The following GALNT1 variants were observed in gnomAD, a reference collection of about 807,000 sequenced individuals.
GALNT1 encodes the protein GalNAc transferase 1.
GALNT1 carries 17 observed loss-of-function variants against 65.7 expected under a neutral mutation model. The ratio of observed to expected loss-of-function variants is 0.26; its 90% CI spans 0.18 to 0.39. The LOEUF (loss-of-function observed/expected upper bound fraction) is 0.39, where lower values mean the gene tolerates loss of function less well. Ranked by LOEUF, GALNT1 falls within the 10% of genes least tolerant of loss-of-function variation. The pLI is 1.00. For missense variants in GALNT1, 460 were observed against 672.8 expected (o/e 0.68, Z 3.50); for synonymous variants, 210 against 219.7 (o/e 0.96, Z 0.39).
Position 35,592,755 on chromosome 18 carries a change from G to A in GALNT1, c.-104+10893G>A, listed in dbSNP as rs141410237. On this transcript the variant is annotated intron_variant, in intron 1 of 11. Coordinates refer to ENST00000269195, the MANE Select transcript of GALNT1 (RefSeq NM_020474.4). Reference sequence around the variant, plus strand: ...AGGCCTGGACTAAATGGTGGTAGTGGATATGTCTGAGGCTGGGGATCAGGC... The same window carrying A: ...AGGCCTGGACTAAATGGTGGTAGTGAATATGTCTGAGGCTGGGGATCAGGC... Among the ~76,000 whole-genome samples, 469 of 152,260 alleles carry A rather than the reference G, an allele frequency of 3.1e-3. 5 individuals are homozygous for A. Among genetic ancestry groups the A allele is most frequent in the Non-Finnish European group, 3.5e-3 (241 of 68,010 alleles).
chr18:35,617,613 A>G (rs1227017456), intron 1 of GALNT1, among the ~76,000 whole-genome samples: 1 of 152,206 alleles, frequency 6.6e-6, no homozygotes, highest in Non-Finnish European at 1.5e-5. Flanking sequence ...CTTAAGCCCA[A>G]GTATTTTAAA....
At position 35,621,711 on chromosome 18, in the gene GALNT1, C is replaced by T. The variant is rs540839201; in HGVS notation, c.-103-32849C>T. Among the ~76,000 whole-genome samples the T allele has an allele frequency of 5.9e-5, 9 of 152,272 alleles. No individual in the cohort carries two copies. In the South Asian group the frequency reaches 1.2e-3, roughly 21 times the overall value. On this transcript the variant is annotated intron_variant, in intron 1 of 11. Transcript: ENST00000269195. Reference sequence around the variant, plus strand: ...TAAGCAATTCTTCCTGATCTAATGACGTGACAATAGTTGCCTATAGTTTAG... The same window carrying T: ...TAAGCAATTCTTCCTGATCTAATGATGTGACAATAGTTGCCTATAGTTTAG...
At chr18:35,662,814 T>C (rs2144453529) in intron 2 of GALNT1, among the ~76,000 whole-genome samples, 1 of 152,330 alleles carries the variant, frequency 6.6e-6, no homozygotes, top group East Asian at 1.9e-4. Flanking sequence ...TTCTTGGACA[T>C]TTATTAACGT....
chr18:35,583,479 T>C (rs925467644), intron 1 of GALNT1, among the ~76,000 whole-genome samples: 2 of 152,078 alleles, frequency 1.3e-5, no homozygotes, highest in African/African-American at 2.4e-5. Flanking sequence ...CTCAATAGAG[T>C]TTAAGCTTTA....
At chr18:35,621,734 T>C (rs988392517) in intron 1 of GALNT1, among the ~76,000 whole-genome samples, 1 of 152,214 alleles carries the variant, frequency 6.6e-6, no homozygotes, top group Non-Finnish European at 1.5e-5. Flanking sequence ...GCCTATAGTT[T>C]AGAGTGTTAG....
At chr18:35,640,788 A>T (rs1419641109) in intron 1 of GALNT1, among the ~76,000 whole-genome samples, 7 of 152,244 alleles carry the variant, frequency 4.6e-5, no homozygotes, top group Admixed American at 4.6e-4. Context: ...GGCTTGTGAC[A>T]AAGTTGGTAT....
intron 1 of GALNT1, among the ~76,000 whole-genome samples, chr18:35,622,202 AT>A (rs921695428): frequency 6.6e-6 from 1 of 151,542 alleles, no homozygotes; most frequent in African/African-American, 2.4e-5. Flanking sequence ...GTATTCCTTA[AT>A]TTTTTTGTAG....
chr18:35,705,982 C>G (rs2048251712), intron 11 of GALNT1, among the ~76,000 whole-genome samples: 1 of 152,162 alleles, frequency 6.6e-6, no homozygotes, highest in Non-Finnish European at 1.5e-5. Context: ...TTTTCTGGAA[C>G]CCCCTTAGCA....
intron 1 of GALNT1, chr18:35,595,900 T>C (rs1568012451): frequency 6.6e-6 from 1 of 152,186 alleles, no homozygotes; most frequent in African/African-American, 2.4e-5. Context: ...TGAAGAGATA[T>C]GATAACTAAG....
chr18:35,602,057 T>C (rs1009896508), intron 1 of GALNT1, among the ~76,000 whole-genome samples: 59 of 152,228 alleles, frequency 3.9e-4, no homozygotes, highest in Non-Finnish European at 7.8e-4. Flanking sequence ...ATGAGTCAGG[T>C]CTAGCAGTGG....
chr18:35,660,167 A>C (rs1224122389), intron 2 of GALNT1, among the ~76,000 whole-genome samples: 1 of 152,188 alleles, frequency 6.6e-6, no homozygotes, highest in African/African-American at 2.4e-5. Context: ...AAGATCAGAA[A>C]ATAGTTTGGG....
chr18:35,698,704 G>A (rs552391688), intron 9 of GALNT1, among the ~76,000 whole-genome samples: 1 of 151,762 alleles, frequency 6.6e-6, no homozygotes, highest in South Asian at 2.1e-4. Context: ...ACGGCCAGGC[G>A]CCGGTGGCTC....
intron 3 of GALNT1, among the ~76,000 whole-genome samples, chr18:35,667,702 T>TA (rs2047569734): frequency 6.6e-6 from 1 of 152,190 alleles, no homozygotes; most frequent in Non-Finnish European, 1.5e-5. Flanking sequence ...AGAATCCAGG[T>TA]AGAATGCCTT....
intron 1 of GALNT1, among the ~76,000 whole-genome samples, chr18:35,629,311 CAGAG>C (rs2046969840): frequency 6.6e-6 from 1 of 152,124 alleles, no homozygotes; most frequent in East Asian, 1.9e-4. Context: ...TAAGGGCAGC[CAGAG>C]AGAAAGGTCG....
chr18:35,688,985 T>G (rs1051268000), intron 6 of GALNT1, among the ~76,000 whole-genome samples, 188 bp from the exon 7 acceptor site: 4 of 152,144 alleles, frequency 2.6e-5, no homozygotes, highest in Non-Finnish European at 5.9e-5. Context: ...ATGGTGCAGG[T>G]CATGTGTGAA....
intron 1 of GALNT1, among the ~76,000 whole-genome samples, chr18:35,606,769 G>C (rs1436870323): frequency 6.6e-6 from 1 of 151,122 alleles, no homozygotes; most frequent in Non-Finnish European, 1.5e-5. Flanking sequence ...TCAGACTCTT[G>C]GATGTTTCAA....
chr18:35,588,555 ACT>A (rs886758856), intron 1 of GALNT1, among the ~76,000 whole-genome samples: 114 of 151,638 alleles, frequency 7.5e-4, no homozygotes, highest in African/African-American at 2.7e-3. Flanking sequence ...TTCTTTCAAG[ACT>A]CTGATGACTG....
chr18:35,641,330 C>G (rs1034111953), intron 1 of GALNT1, among the ~76,000 whole-genome samples: 8 of 152,134 alleles, frequency 5.3e-5, no homozygotes, highest in African/African-American at 1.2e-4. Context: ...GCCTGTAGTC[C>G]TAGCTCGGAG....
At chr18:35,677,485 C>A in intron 3 of GALNT1, 106 bp from the exon 4 acceptor site, 1 of 777,702 alleles carries the variant, frequency 1.3e-6, no homozygotes, top group Non-Finnish European at 2.0e-6. Flanking sequence ...AGGATCCCAC[C>A]ACTAGAGCAA....
Sources: gnomAD v4.1 joint callset for allele counts (sites outside exome capture counted in the v4.1 genomes callset) on GRCh38, gnomAD v4.1.1 for gene constraint, MANE v1.5 for transcripts, NCBI Gene and HGNC (gene_info 2026-07-23, HGNC 2026-07-21) for gene names.